RNF130: variants seen among roughly 807,000 people sequenced by gnomAD.
RNF130 encodes E3 ubiquitin-protein ligase RNF130.
RNF130 carries 21 observed loss-of-function variants against 44.6 expected under a neutral mutation model. That is an observed-to-expected ratio of 0.47 (90% CI 0.33 to 0.68). RNF130 has a LOEUF of 0.68. RNF130 is among the 30% of genes least tolerant of loss of function. RNF130 has a pLI of 0.02. For missense variants in RNF130, 479 were observed against 560.6 expected (o/e 0.85, Z 1.47); for synonymous variants, 214 against 210.4 (o/e 1.02, Z -0.15).
At chr5:179,999,695 C>T (rs1030151264) in intron 3 of RNF130, among the ~76,000 whole-genome samples, 3 of 151,526 alleles carry the variant, frequency 2.0e-5, no homozygotes, top group Admixed American at 6.6e-5. Context: ...CCAGCCTAGG[C>T]GAGCAAGCGA....
chr5:180,022,888 A>G (rs1440878310), intron 2 of RNF130, among the ~76,000 whole-genome samples: 1 of 152,252 alleles, frequency 6.6e-6, no homozygotes, highest in African/African-American at 2.4e-5. Context: ...GGGTGGGAAA[A>G]GAAACATTAA....
intron 1 of RNF130, among the ~76,000 whole-genome samples, chr5:180,054,632 T>C (rs1459059944): frequency 2.0e-5 from 3 of 152,236 alleles, no homozygotes; most frequent in Non-Finnish European, 4.4e-5. Flanking sequence ...CACTGTCTTG[T>C]AGTAAGTTTT....
At chr5:180,018,656 G>A (rs1763798192) in intron 2 of RNF130, among the ~76,000 whole-genome samples, 1 of 152,216 alleles carries the variant, frequency 6.6e-6, no homozygotes, top group Non-Finnish European at 1.5e-5. Flanking sequence ...AAAATGTTGT[G>A]GGAAGAAAAT....
chr5:179,934,494 T>G (rs914778014), intron 7 of RNF130, among the ~76,000 whole-genome samples: 1 of 151,776 alleles, frequency 6.6e-6, no homozygotes, highest in Admixed American at 6.6e-5. Context: ...ATTTTATTCG[T>G]CATTTTAAAG....
chr5:179,975,162 G>A (rs933540363), intron 5 of RNF130, among the ~76,000 whole-genome samples: 16 of 152,194 alleles, frequency 1.1e-4, no homozygotes, highest in African/African-American at 1.9e-4. Context: ...AGGTAACACC[G>A]ACTCTGGGCT....
intron 2 of RNF130, among the ~76,000 whole-genome samples, chr5:180,033,134 C>T (rs533930380): frequency 2.0e-5 from 3 of 151,898 alleles, no homozygotes; most frequent in Non-Finnish European, 4.4e-5. Flanking sequence ...CTGCTACACC[C>T]GGCTACTTTT....
At chr5:179,968,187 C>T (rs141615830) in intron 6 of RNF130, among the ~76,000 whole-genome samples, 2,052 of 151,740 alleles carry the variant, frequency 0.014, 57 homozygotes, top group African/African-American at 0.047. Context: ...CCCAGCTACT[C>T]GGGAGGCTGA....
intron 3 of RNF130, among the ~76,000 whole-genome samples, chr5:180,003,850 A>G (rs986713878): frequency 3.2e-4 from 48 of 152,334 alleles, no homozygotes; most frequent in African/African-American, 1.1e-3. Context: ...GGTGTGGTCC[A>G]TGGGGCAGAT....
At chr5:180,000,941 T>G (rs1763320000) in intron 3 of RNF130, among the ~76,000 whole-genome samples, 1 of 152,196 alleles carries the variant, frequency 6.6e-6, no homozygotes, top group East Asian at 1.9e-4. Context: ...CTTCCTTATT[T>G]CATGTTTCTC....
intron 5 of RNF130, among the ~76,000 whole-genome samples, chr5:179,975,953 C>G (rs1483102660): frequency 6.6e-6 from 1 of 151,788 alleles, no homozygotes; most frequent in South Asian, 2.1e-4. Flanking sequence ...CGCATATGCC[C>G]GGCCTCCACC....
chr5:179,956,878 C>T (rs547067485), intron 8 of RNF130, among the ~76,000 whole-genome samples: 1 of 152,290 alleles, frequency 6.6e-6, no homozygotes, highest in Non-Finnish European at 1.5e-5. Flanking sequence ...GGCACAAGCC[C>T]GGGAGCCTAC....
intron 3 of RNF130, among the ~76,000 whole-genome samples, chr5:179,981,941 TAC>T (rs934759110): frequency 6.6e-6 from 1 of 152,230 alleles, no homozygotes; most frequent in Non-Finnish European, 1.5e-5. Flanking sequence ...TATTTAAAGT[TAC>T]AGTTTGAAGT....
At chr5:180,010,018 T>A (rs528016179) in intron 3 of RNF130, among the ~76,000 whole-genome samples, 1 of 151,916 alleles carries the variant, frequency 6.6e-6, no homozygotes, top group Non-Finnish European at 1.5e-5. Context: ...GAGGCTGAGG[T>A]GGGCGGATCA....
intron 1 of RNF130, among the ~76,000 whole-genome samples, chr5:180,061,430 C>G (rs1410375814): frequency 6.6e-6 from 1 of 152,192 alleles, no homozygotes; most frequent in African/African-American, 2.4e-5. Flanking sequence ...CAAGACATCA[C>G]AAACTTGGTG....
At chr5:179,991,405 T>C (rs1478920182) in intron 3 of RNF130, among the ~76,000 whole-genome samples, 5 of 152,242 alleles carry the variant, frequency 3.3e-5, no homozygotes, top group Non-Finnish European at 7.3e-5. Context: ...ACGAGTTAAG[T>C]TGTTTTCATC....
At position 179,999,619 on chromosome 5, in the gene RNF130, AG is replaced by A. The variant is rs567198953; in HGVS notation, c.693+13441del. 2.7e-3 allele frequency among the ~76,000 whole-genome samples: 406 copies of A among 152,272 alleles called. 3 individuals carry two copies. The highest frequency in any genetic ancestry group is 9.4e-3 in the African/African-American group (390 of 41,576). On this transcript the variant is annotated intron_variant, in intron 3 of 8. Transcript: ENST00000521389. ...CACCTGTAATCTATTCAGGAGGCTG[AG>A]GCAGGAGAGTTGTTTGAACCCGGGA... is the stretch of plus-strand genomic sequence containing the variant.
rs368466411 is a variant in RNF130 at position 179,946,506 on chromosome 5, GTTC to G, written c.1150+20297_1150+20299del. Among the ~76,000 whole-genome samples, 1,073 of 151,882 alleles carry G rather than the reference GTTC, an allele frequency of 7.1e-3. 7 individuals are homozygous for G. Among genetic ancestry groups the G allele is most frequent in the Middle Eastern group, 0.059 (17 of 290 alleles). On this transcript the variant is annotated intron_variant, in intron 7 of 7. Transcript: ENST00000522208. ...GGATAATTTCTACAAATGTACTAGC[GTTC>G]TTCTTAGTCTTAACAGACCGACCAG...
intron 7 of RNF130, chr5:179,964,176 C>G (rs963828467): frequency 4.6e-5 from 7 of 152,520 alleles, no homozygotes; most frequent in Non-Finnish European, 1.0e-4. Context: ...CCAACCCCTG[C>G]CGAGGAGCAG....
intron 3 of RNF130, among the ~76,000 whole-genome samples, chr5:179,999,300 C>T (rs1260915893): frequency 2.6e-5 from 4 of 151,784 alleles, no homozygotes; most frequent in Non-Finnish European, 4.4e-5. Flanking sequence ...GGATTACAAG[C>T]GTGAGCCACC....
Sources: allele counts gnomAD v4.1 joint callset (sites outside exome capture counted in the v4.1 genomes callset), GRCh38; gene constraint gnomAD v4.1.1; transcripts MANE v1.5; gene names NCBI Gene and HGNC (gene_info 2026-07-23, HGNC 2026-07-21).